COL1A2: variants seen among roughly 807,000 people sequenced by gnomAD.
COL1A2 encodes collagen alpha-2(I) chain.
Under a neutral mutation model 174.3 loss-of-function variants are expected in COL1A2, and 49 were observed. That is an observed-to-expected ratio of 0.28 (90% CI 0.22 to 0.36). The LOEUF (loss-of-function observed/expected upper bound fraction) is 0.36, where lower values mean the gene tolerates loss of function less well. Ranked by LOEUF, COL1A2 falls within the 10% of genes least tolerant of loss-of-function variation. COL1A2 has a pLI of 1.00. For missense variants in COL1A2, 1,438 were observed against 1,822.7 expected, an observed-to-expected ratio of 0.79 and a Z score of 3.84; for synonymous variants, 655 against 606.6, an observed-to-expected ratio of 1.08 and a Z score of -1.17.
At chr7:94,410,636 C>A in intron 21 of COL1A2, 109 bp downstream of exon 21, 1 of 1,001,002 alleles carries the variant, frequency 1.0e-6, no homozygotes, top group Non-Finnish European at 1.5e-6. Context: ...GCAAAAAAAG[C>A]ATCTGCTTTC....
chr7:94,425,763 A>T lies in COL1A2; in HGVS notation c.2849A>T (p.Tyr950Phe). 6.2e-7 allele frequency: 1 copy of T among 1,613,558 alleles called. No individual in the cohort carries two copies. Among genetic ancestry groups the T allele is most frequent in the South Asian group, 1.1e-5 (1 of 90,958 alleles). ...GQPGHKGERG[Y>F]PGNIGPVGAA... ...TGCCTTTGGTAGGGAGAGCGCGGTT[A>T]CCCTGGCAATATTGGTCCCGTTGGT... Residue 950 changes from tyrosine (Y) to phenylalanine (F), a missense_variant, in exon 44 of 52, where the codon TAC (tyrosine) becomes TTC (phenylalanine). Physicochemically the swap from Tyr to Phe is conservative, Grantham distance 22 (BLOSUM62 3). Around this residue, in one of 3 missense-constraint regions of COL1A2, gnomAD observed 867 missense variants for 1,213.7 expected, o/e 0.71. Transcript: ENST00000297268.
At chr7:94,397,828 G>C in intron 2 of COL1A2, 70 bp downstream of exon 2, 1 of 902,884 alleles carries the variant, frequency 1.1e-6, no homozygotes, top group Non-Finnish European at 1.8e-6. Context: ...GTCTTCTCTT[G>C]GAAGGGAAGA....
intron 33 of COL1A2, 31 bp downstream of exon 33, chr7:94,418,583 G>A (rs59720943): frequency 1.1e-5 from 17 of 1,575,658 alleles, no homozygotes; most frequent in East Asian, 6.9e-5. Flanking sequence ...ATGTTTCTTC[G>A]TACTTGGATT....
At chr7:94,420,154 C>A in intron 34 of COL1A2, 79 bp from the exon 35 acceptor site, 1 of 1,580,534 alleles carries the variant, frequency 6.3e-7, no homozygotes, top group Non-Finnish European at 8.7e-7. Flanking sequence ...TGTCTGTCCA[C>A]CACTGTTCTC....
intron 31 of COL1A2, 163 bp from the exon 32 acceptor site, chr7:94,417,561 C>A: frequency 1.5e-6 from 1 of 660,014 alleles, no homozygotes; most frequent in Non-Finnish European, 2.8e-6. Flanking sequence ...CAGCATCTCT[C>A]TCTGCTATAT....
At position 94,424,419 on chromosome 7, in the gene COL1A2, T is replaced by G. The variant is rs1484083246; in HGVS notation, c.2649T>G (p.Gly883=). Residue 883 remains glycine, a synonymous_variant, in exon 41 of 52, where the codon GGT becomes GGG. Coordinates refer to ENST00000297268, the MANE Select transcript of COL1A2 (RefSeq NM_000089.4). ...TCCCTGGCTCGAGAGGTGAACGTGGTCTACCAGGTGTTGCTGGTGCTGTGG... is the reference window on the plus strand; with the variant it reads ...TCCCTGGCTCGAGAGGTGAACGTGGGCTACCAGGTGTTGCTGGTGCTGTGG... ...LGLPGSRGER[G]LPGVAGAVGE... 1.2e-6 allele frequency: 2 copies of G among 1,614,158 alleles called. No homozygotes were observed. Among genetic ancestry groups the G allele is most frequent in the African/African-American group, 2.7e-5 (2 of 75,052 alleles).
At chr7:94,420,195 C>A in intron 34 of COL1A2, 38 bp from the exon 35 acceptor site, 1 of 1,612,256 alleles carries the variant, frequency 6.2e-7, no homozygotes, top group Admixed American at 1.7e-5. Flanking sequence ...GCATCTATGT[C>A]AGGCACATTA....
At chr7:94,419,597 C>T (rs764506015) in intron 34 of COL1A2, 46 bp downstream of exon 34, 3 of 1,608,400 alleles carry the variant, frequency 1.9e-6, no homozygotes, top group South Asian at 1.1e-5. Context: ...CTAAAATTTC[C>T]CGCCTTCCCT....
intron 33 of COL1A2, among the ~76,000 whole-genome samples, chr7:94,418,835 T>C (rs1792095796): frequency 6.6e-6 from 1 of 151,820 alleles, no homozygotes; most frequent in Non-Finnish European, 1.5e-5. Flanking sequence ...TTAGGTTTAA[T>C]AGAATATTAA....
chr7:94,420,770 G>A (rs1042656404), intron 37 of COL1A2, 122 bp downstream of exon 37: 42 of 1,009,056 alleles, frequency 4.2e-5, no homozygotes, highest in South Asian at 3.7e-4. Context: ...GGAAAATAAC[G>A]GAAGGATTAA....
chr7:94,427,901 C>G lies in COL1A2; in HGVS notation c.3526+16C>G, dbSNP rs746523963. ...TGGAGCAGTGGTAGGTCAAGATGTC[C>G]AGACCAGACTGACCCTTCTCACAAG... On this transcript the variant is annotated intron_variant, in intron 49 of 51. Coordinates refer to ENST00000297268, the MANE Select transcript of COL1A2 (RefSeq NM_000089.4). The G allele has an allele frequency of 6.2e-7, 1 of 1,613,492 alleles. No homozygotes were observed. Among genetic ancestry groups the G allele is most frequent in the Admixed American group, 1.7e-5 (1 of 59,998 alleles).
chr7:94,419,391 A>G (rs903806045), intron 33 of COL1A2, 107 bp from the exon 34 acceptor site: 3 of 1,271,678 alleles, frequency 2.4e-6, no homozygotes, highest in Non-Finnish European at 3.4e-6. Context: ...ACCAGAGTGC[A>G]GTGAAAGTGT....
rs375942029 is a variant in COL1A2, at chr7:94,409,572, T to C, written c.900T>C (p.Pro300=). 8.1e-6 allele frequency: 13 copies of C among 1,614,248 alleles called. No individual in the cohort carries two copies. In the African/African-American group the frequency reaches 9.3e-5, roughly 12 times the overall value. ...TTTCCTTTTCCTCATAGGGTAATCC[T>C]GGAGCAAACGGCCTTACTGGTGCCA... ...LSGPVGPPGN[P]GANGLTGAKG... is the part of the protein sequence containing the mutation. Residue 300 remains proline, a synonymous_variant, in exon 18 of 52, where the codon CCT becomes CCC. Coordinates refer to ENST00000297268, the MANE Select transcript of COL1A2 (RefSeq NM_000089.4).
intron 4 of COL1A2, 186 bp from the exon 5 acceptor site, chr7:94,400,010 T>G: frequency 1.3e-6 from 1 of 754,740 alleles, no homozygotes; most frequent in South Asian, 1.4e-5. Context: ...TGTGATATCT[T>G]AAGAGTTATT....
chr7:94,412,293 A>G (rs1791944438), intron 24 of COL1A2, among the ~76,000 whole-genome samples, 172 bp downstream of exon 24: 1 of 151,988 alleles, frequency 6.6e-6, no homozygotes, highest in South Asian at 2.1e-4. Context: ...TGAATACAGG[A>G]CTGAAAGCAG....
chr7:94,396,828 A>T (rs543381528), intron 1 of COL1A2, among the ~76,000 whole-genome samples: 1 of 152,162 alleles, frequency 6.6e-6, no homozygotes, highest in Non-Finnish European at 1.5e-5. Flanking sequence ...CACTTCAAAT[A>T]ACGCACTTCT....
Position 94,427,280 on chromosome 7 carries a change from T to A in COL1A2, c.3252T>A (p.Gly1084=), listed in dbSNP as rs1274905518. 11 of 1,612,630 alleles carry A rather than the reference T, an allele frequency of 6.8e-6. No homozygotes were observed. Among genetic ancestry groups the A allele is most frequent in the Non-Finnish European group, 9.3e-6 (11 of 1,179,196 alleles). The change falls in exon 48 of 52, where the codon GGT becomes GGA. Residue 1084 remains glycine, a synonymous_variant. Coordinates refer to ENST00000297268, the MANE Select transcript of COL1A2 (RefSeq NM_000089.4). ...VGPAGIRGPQ[G]HQGPAGPPGP... ...CTGCTGGCATTCGAGGCCCTCAGGG[T>A]CACCAAGGCCCTGCTGTAAGTATGA... is the stretch of plus-strand genomic sequence containing the variant.
Position 94,408,349 on chromosome 7 carries a change from G to T in COL1A2, c.707G>T (p.Ser236Ile). 6.2e-7 allele frequency: 1 copy of T among 1,614,144 alleles called. No individual in the cohort carries two copies. Among genetic ancestry groups the T allele is most frequent in the Non-Finnish European group, 8.5e-7 (1 of 1,180,032 alleles). ...TTTTCTTCTTAGGGTGCCCGTGGCA[G>T]TGATGGAAGTGTGGGTCCCGTGGGT... is the stretch of plus-strand genomic sequence containing the variant. The part of the protein sequence containing the change: ...GAPGPAGARG[S>I]DGSVGPVGPA... Residue 236 changes from serine to isoleucine, a missense_variant, in exon 15 of 52, where the codon AGT becomes ATT. Ser to Ile is a moderately radical substitution (Grantham distance 142). Around this residue, in one of 3 missense-constraint regions of COL1A2, gnomAD observed 281 missense variants for 310.9 expected, o/e 0.90. Transcript: ENST00000297268.
chr7:94,424,219 T>A, intron 40 of COL1A2, 117 bp from the exon 41 acceptor site: 1 of 804,826 alleles, frequency 1.2e-6, no homozygotes, highest in South Asian at 1.4e-5. Flanking sequence ...GTCCTAGTAA[T>A]AGGAGGTCAT....
Sources: allele counts gnomAD v4.1 joint callset (sites outside exome capture counted in the v4.1 genomes callset), GRCh38; gene constraint gnomAD v4.1.1; regional missense constraint gnomAD v4.1.1; transcripts MANE v1.5; gene names NCBI Gene and HGNC (gene_info 2026-07-23, HGNC 2026-07-21).